GFRAL: variants seen among roughly 807,000 people sequenced by gnomAD.
The protein encoded by GFRAL is GDNF family receptor alpha-like.
In GFRAL, 36 loss-of-function variants were observed where a neutral mutation model predicts 45.4. The observed-to-expected ratio is 0.79, with a 90% CI of 0.61 to 1.05. GFRAL has a LOEUF of 1.05. Ranked by LOEUF, GFRAL falls within the 50% of genes least tolerant of loss-of-function variation. GFRAL has a pLI of 0.00. For synonymous variants in GFRAL, 166 were observed against 154.1 expected (o/e 1.08, Z -0.57); for missense variants, 507 against 467.5 (o/e 1.08, Z -0.78).
At chr6:55,339,093 A>G (rs1169322763) in intron 3 of GFRAL, among the ~76,000 whole-genome samples, 1 of 152,178 alleles carries the variant, frequency 6.6e-6, no homozygotes, top group Non-Finnish European at 1.5e-5. Flanking sequence ...ATAATAAAAT[A>G]TATACTTAAG....
intron 6 of GFRAL, 29 bp downstream of exon 6, chr6:55,359,167 T>C (rs1270733874): frequency 1.3e-6 from 2 of 1,520,174 alleles, no homozygotes; most frequent in African/African-American, 1.4e-5. Flanking sequence ...ATTATCTGTC[T>C]ATCTATCTAT....
In GFRAL at chr6:55,338,915, A is replaced by G. The variant is rs1436335887; in HGVS notation, c.316+4971A>G. Among the ~76,000 whole-genome samples, 6 of 152,308 alleles carry G rather than the reference A, an allele frequency of 3.9e-5. No individual in the cohort carries two copies. In the East Asian group the frequency reaches 5.8e-4, roughly 15 times the overall value. On this transcript the variant is annotated intron_variant, in intron 3 of 8. Transcript: ENST00000340465. ...TGAGGAGCTATTACATATTTTAAAT[A>G]GAGGAATGTATCATCAGTTTCTCAA...
chr6:55,400,132 T>G (rs1768876968), intron 8 of GFRAL, among the ~76,000 whole-genome samples: 1 of 136,508 alleles, frequency 7.3e-6, no homozygotes, highest in African/African-American at 2.6e-5. Flanking sequence ...ATACATAAAA[T>G]AGTGTAGACT....
At chr6:55,373,868 C>A (rs1768488941) in intron 6 of GFRAL, among the ~76,000 whole-genome samples, 1 of 151,932 alleles carries the variant, frequency 6.6e-6, no homozygotes, top group African/African-American at 2.4e-5. Flanking sequence ...AGCCCAGCAT[C>A]CATTAGCTAT....
chr6:55,379,282 A>G (rs1226634331), intron 6 of GFRAL, among the ~76,000 whole-genome samples: 1 of 151,776 alleles, frequency 6.6e-6, no homozygotes, highest in Non-Finnish European at 1.5e-5. Context: ...CCCAGTACCC[A>G]AGAGTTATCT....
intron 6 of GFRAL, among the ~76,000 whole-genome samples, chr6:55,393,687 C>T (rs1581761406): frequency 6.6e-6 from 1 of 151,950 alleles, no homozygotes; most frequent in East Asian, 1.9e-4. Flanking sequence ...GGAAAGAAGC[C>T]TCTTGGTGGC....
intron 3 of GFRAL, among the ~76,000 whole-genome samples, chr6:55,349,178 C>T (rs773213701): frequency 2.6e-5 from 4 of 151,876 alleles, no homozygotes; most frequent in Admixed American, 6.6e-5. Flanking sequence ...GTCTGGAAGG[C>T]CATGACACAC....
At chr6:55,360,681 T>C (rs1310254984) in intron 6 of GFRAL, among the ~76,000 whole-genome samples, 2 of 152,008 alleles carry the variant, frequency 1.3e-5, no homozygotes, top group East Asian at 3.9e-4. Context: ...ATAAGTCATA[T>C]TCTCTAATTT....
intron 6 of GFRAL, among the ~76,000 whole-genome samples, chr6:55,370,523 T>C (rs1768436329): frequency 6.6e-6 from 1 of 152,222 alleles, no homozygotes; most frequent in South Asian, 2.1e-4. Context: ...ATGTTAGGAT[T>C]TTTCCATTTT....
Position 55,335,900 on chromosome 6 carries a change from T to TTTTA in GFRAL, c.316+1960_316+1963dup, listed in dbSNP as rs1014006400. Among the ~76,000 whole-genome samples, 17 of 26,330 alleles carry TTTTA rather than the reference T, an allele frequency of 6.5e-4. No homozygotes were observed. In the South Asian group the frequency reaches 6.9e-3, roughly 11 times the overall value. The allele number at this position is 26,330 out of a possible 152,430, so 17.3% of individuals were successfully genotyped here. On this transcript the variant is annotated intron_variant, in intron 3 of 8. Transcript: ENST00000340465. Reference sequence around the variant, plus strand: ...TGGCTATTCTATTTCTTTGTCTTTATTTTATTTTATTTTATTTTATTTTAT... The same window carrying TTTTA: ...TGGCTATTCTATTTCTTTGTCTTTATTTTATTTATTTTATTTTATTTTATTTTAT...
chr6:55,394,960 A>G (rs905112337), intron 6 of GFRAL, among the ~76,000 whole-genome samples: 1 of 151,858 alleles, frequency 6.6e-6, no homozygotes, highest in African/African-American at 2.4e-5. Context: ...AAGAAATCCC[A>G]TATTTTATCC....
intron 6 of GFRAL, among the ~76,000 whole-genome samples, chr6:55,396,271 G>A (rs10948909): frequency 0.099 from 15,062 of 152,120 alleles, 817 homozygotes; most frequent in African/African-American, 0.11. Flanking sequence ...CTATTATAAC[G>A]TTGTTAATGA....
intron 6 of GFRAL, among the ~76,000 whole-genome samples, chr6:55,374,047 ATTCCATCCATTTTCCTGAAAAGGATATG>A (rs1768492199): frequency 1.3e-5 from 2 of 152,096 alleles, no homozygotes; most frequent in African/African-American, 2.4e-5. Flanking sequence ...ATGGCTTCCA[ATTCCATCCATTTTCCTGAAAAGGATATG>A]ATCTCATTCC....
intron 3 of GFRAL, among the ~76,000 whole-genome samples, chr6:55,339,154 G>A (rs1371235604): frequency 6.6e-6 from 1 of 152,116 alleles, no homozygotes; most frequent in African/African-American, 2.4e-5. Flanking sequence ...TTGGATATGA[G>A]GAATTTAAAA....
intron 6 of GFRAL, among the ~76,000 whole-genome samples, chr6:55,376,459 G>A (rs936084871): frequency 2.6e-5 from 4 of 151,958 alleles, no homozygotes; most frequent in African/African-American, 9.7e-5. Flanking sequence ...TGTACCTCTG[G>A]TAGGATTCAG....
At chr6:55,391,882 T>C (rs540978191) in intron 6 of GFRAL, among the ~76,000 whole-genome samples, 9 of 152,244 alleles carry the variant, frequency 5.9e-5, no homozygotes, top group Non-Finnish European at 1.2e-4. Flanking sequence ...TGCTTTCTAA[T>C]GAAAATCTCT....
intron 6 of GFRAL, among the ~76,000 whole-genome samples, chr6:55,374,323 A>G (rs1768495797): frequency 6.6e-6 from 1 of 152,090 alleles, no homozygotes; most frequent in Non-Finnish European, 1.5e-5. Flanking sequence ...AGGAATTGCC[A>G]CACTGTCTTC....
At chr6:55,365,893 A>C (rs914092583) in intron 6 of GFRAL, among the ~76,000 whole-genome samples, 3 of 146,632 alleles carry the variant, frequency 2.0e-5, no homozygotes, top group Non-Finnish European at 3.0e-5. Context: ...ATATTGGTCT[A>C]AAATTCTCTT....
chr6:55,340,532 G>A (rs1478755881), intron 3 of GFRAL, among the ~76,000 whole-genome samples: 1 of 152,050 alleles, frequency 6.6e-6, no homozygotes, highest in Non-Finnish European at 1.5e-5. Context: ...GCAAACAAAA[G>A]TGGTTGGCAG....
Sources: gnomAD v4.1 joint callset for allele counts (sites outside exome capture counted in the v4.1 genomes callset) on GRCh38, gnomAD v4.1.1 for gene constraint, MANE v1.5 for transcripts, NCBI Gene and HGNC (gene_info 2026-07-23, HGNC 2026-07-21) for gene names.